The following RHCG variants were observed in gnomAD, a reference collection of about 807,000 sequenced individuals.
The protein encoded by RHCG is ammonium transporter Rh type C.
A neutral mutation model predicts 55.3 loss-of-function variants in RHCG; 39 were observed. That is an observed-to-expected ratio of 0.70 (90% CI 0.55 to 0.92). The LOEUF is 0.92. Among genes scored for constraint, RHCG ranks in the 40% least tolerant of loss-of-function variants. RHCG has a pLI of 0.00. For synonymous variants in RHCG, 250 were observed against 246.8 expected (o/e 1.01, Z -0.12); for missense variants, 635 against 627.9 (o/e 1.01, Z -0.12).
intron 2 of RHCG, among the ~76,000 whole-genome samples, chr15:89,484,991 C>T (rs1023925736): frequency 6.6e-6 from 1 of 152,108 alleles, no homozygotes; most frequent in African/African-American, 2.4e-5. Context: ...GGGTCCACAT[C>T]TCTGGATCCA....
chr15:89,482,137 A>G, intron 3 of RHCG, among the ~76,000 whole-genome samples: 1 of 152,022 alleles, frequency 6.6e-6, no homozygotes. Flanking sequence ...GGGTTTCTCC[A>G]TGTTGGTCAG....
At chr15:89,482,450 G>A (rs1961284760) in intron 3 of RHCG, among the ~76,000 whole-genome samples, 1 of 152,140 alleles carries the variant, frequency 6.6e-6, no homozygotes, top group Non-Finnish European at 1.5e-5. Context: ...TCCAGACAGA[G>A]TCCAAACGTA....
At chr15:89,484,652 C>T (rs1361901805) in intron 2 of RHCG, among the ~76,000 whole-genome samples, 1 of 151,982 alleles carries the variant, frequency 6.6e-6, no homozygotes, top group Non-Finnish European at 1.5e-5. Flanking sequence ...TGGTGGCAGA[C>T]ACCTGTAATC....
intron 3 of RHCG, among the ~76,000 whole-genome samples, chr15:89,480,936 C>T (rs186297698): frequency 6.6e-6 from 1 of 152,314 alleles, no homozygotes; most frequent in Admixed American, 6.5e-5. Context: ...CCTTCCTCCC[C>T]ACCTAGAACC....
At chr15:89,495,015 G>A (rs2141905304) in intron 1 of RHCG, among the ~76,000 whole-genome samples, 1 of 152,310 alleles carries the variant, frequency 6.6e-6, no homozygotes, top group South Asian at 2.1e-4. Context: ...GGTGGACAAT[G>A]TGAACAGTGG....
Position 89,483,056 on chromosome 15 carries a change from G to C in RHCG, c.522+11C>G, listed in dbSNP as rs1298080178. ...CCCCACCACCTCATCCCCATTCTGAGCCCTGCTCACCTTTAGCAGGTTAAG... is the reference window on the plus strand; with the variant it reads ...CCCCACCACCTCATCCCCATTCTGACCCCTGCTCACCTTTAGCAGGTTAAG... On this transcript the variant is annotated intron_variant, in intron 3 of 10. Transcript: ENST00000268122. 1 of 1,559,382 alleles carries C rather than the reference G, an allele frequency of 6.4e-7. No homozygotes were observed. The highest frequency in any genetic ancestry group is 1.2e-5 in the South Asian group (1 of 86,168).
chr15:89,489,267 C>T (rs1161361629), intron 1 of RHCG, among the ~76,000 whole-genome samples: 1 of 151,938 alleles, frequency 6.6e-6, no homozygotes, highest in Non-Finnish European at 1.5e-5. Flanking sequence ...CAGGCATGTG[C>T]CACCACACCC....
Position 89,480,284 on chromosome 15 carries a change from T to G in RHCG, c.647A>C (p.Gln216Pro). 1 of 1,614,168 alleles carries G rather than the reference T, an allele frequency of 6.2e-7. No individual in the cohort carries two copies. The highest frequency in any genetic ancestry group is 8.5e-7 in the Non-Finnish European group (1 of 1,179,994). ...QSKERQNSVY[Q>P]SDLFAMIGTL... ...ACCAATCATGGCAAAGAGGTCCGACTGGTACACAGAATTCTGTCTCTCCTT... is the reference window on the plus strand; with the variant it reads ...ACCAATCATGGCAAAGAGGTCCGACGGGTACACAGAATTCTGTCTCTCCTT... Residue 216 changes from glutamine (Q) to proline (P), a missense_variant, in exon 4 of 11, where the codon CAG becomes CCG. Transcript: ENST00000268122.
At chr15:89,490,986 G>A (rs553788672) in intron 1 of RHCG, among the ~76,000 whole-genome samples, 35 of 152,194 alleles carry the variant, frequency 2.3e-4, no homozygotes, top group Non-Finnish European at 4.7e-4. Flanking sequence ...ACGCTGGCAG[G>A]GAGGTGGGAG....
intron 2 of RHCG, among the ~76,000 whole-genome samples, chr15:89,483,943 T>C (rs967963979): frequency 4.6e-5 from 7 of 152,182 alleles, no homozygotes; most frequent in Non-Finnish European, 8.8e-5. Flanking sequence ...TGAGTGGACA[T>C]TGTGTAGACC....
chr15:89,483,336 T>C (rs1961303156), intron 2 of RHCG, 119 bp from the exon 3 acceptor site: 1 of 897,700 alleles, frequency 1.1e-6, no homozygotes. Flanking sequence ...AGCTTCAGTT[T>C]CATCATCTAC....
At chr15:89,487,592 C>G (rs957255415) in intron 1 of RHCG, among the ~76,000 whole-genome samples, 4 of 152,190 alleles carry the variant, frequency 2.6e-5, no homozygotes, top group African/African-American at 9.7e-5. Context: ...CCACCACTGA[C>G]TCCAGCAGAT....
At chr15:89,479,523 G>A in intron 4 of RHCG, 35 bp from the exon 5 acceptor site, 2 of 1,576,634 alleles carry the variant, frequency 1.3e-6, no homozygotes, top group Non-Finnish European at 1.7e-6. Flanking sequence ...GGGCCCGGGA[G>A]GAGAGGCATT....
chr15:89,480,210 T>G, intron 4 of RHCG, 51 bp downstream of exon 4: 1 of 1,610,940 alleles, frequency 6.2e-7, no homozygotes, highest in Non-Finnish European at 8.5e-7. Context: ...TCACCCATCA[T>G]GGCCACCTTC....
intron 1 of RHCG, among the ~76,000 whole-genome samples, chr15:89,489,141 A>AT (rs1961428184): frequency 6.6e-6 from 1 of 152,156 alleles, no homozygotes; most frequent in Non-Finnish European, 1.5e-5. Flanking sequence ...GTTGAGACAT[A>AT]GTCTCATTTT....
intron 9 of RHCG, among the ~76,000 whole-genome samples, chr15:89,473,878 T>A (rs1306236199): frequency 6.6e-6 from 1 of 152,162 alleles, no homozygotes; most frequent in East Asian, 1.9e-4. Context: ...ATTATAAAGA[T>A]CAAAACAGAA....
Position 89,477,687 on chromosome 15 carries a change from G to C in RHCG, c.976-34C>G, listed in dbSNP as rs753042004. 7.4e-6 allele frequency: 12 copies of C among 1,612,514 alleles called. No homozygotes were observed. In the South Asian group the frequency reaches 1.3e-4, roughly 18 times the overall value. On this transcript the variant is annotated intron_variant, in intron 6 of 10. Coordinates refer to ENST00000268122, the MANE Select transcript of RHCG (RefSeq NM_016321.3). The surrounding 1 kb of genome is among the most constrained non-coding windows in gnomAD (Gnocchi z 4.5). The stretch of plus-strand genomic sequence containing the variant: ...GGGAGGTGGGTGCTGCTCAGGCCGG[G>C]GGCTGCATCAAGGGTGTGGGGAGGC...
intron 1 of RHCG, among the ~76,000 whole-genome samples, chr15:89,490,646 A>G (rs1372707050): frequency 2.6e-5 from 4 of 152,244 alleles, no homozygotes; most frequent in Non-Finnish European, 4.4e-5. Context: ...TCAGATGACA[A>G]TTCCAGAAGC....
At chr15:89,480,128 A>G (rs150386671) in intron 4 of RHCG, 133 bp downstream of exon 4, 37 of 1,210,412 alleles carry the variant, frequency 3.1e-5, no homozygotes, top group African/African-American at 5.9e-5. Flanking sequence ...CATGCACCAT[A>G]CCACGTGGGG....
Sources: gnomAD v4.1 joint callset for allele counts (sites outside exome capture counted in the v4.1 genomes callset) on GRCh38, gnomAD v4.1.1 for gene constraint, Gnocchi (gnomAD v3.1) non-coding constraint, MANE v1.5 for transcripts, NCBI Gene and HGNC (gene_info 2026-07-23, HGNC 2026-07-21) for gene names.